Variants in MTARC1 observed in about 807,000 individuals in gnomAD.
MTARC1 encodes the protein mitochondrial amidoxime-reducing component 1.
Under a neutral mutation model 33.6 loss-of-function variants are expected in MTARC1, and 24 were observed. The ratio of observed to expected loss-of-function variants is 0.72; its 90% confidence interval spans 0.52 to 1.01. The LOEUF (loss-of-function observed/expected upper bound fraction) is 1.01, where lower values mean the gene tolerates loss of function less well. Among genes scored for constraint, MTARC1 ranks in the 50% least tolerant of loss-of-function variants. The pLI is 0.00. For synonymous variants in MTARC1, 187 were observed against 189.5 expected (o/e 0.99, Z 0.11); for missense variants, 417 against 445.7 (o/e 0.94, Z 0.58).
intron 4 of MTARC1, chr1:220,799,096 G>A: frequency 1.0e-6 from 1 of 985,326 alleles, no homozygotes; most frequent in Non-Finnish European, 1.2e-6. Context: ...TTACCTTAAG[G>A]GTCTGTTGAA....
intron 6 of MTARC1, among the ~76,000 whole-genome samples, chr1:220,809,975 G>T (rs928343238): frequency 8.5e-5 from 13 of 152,148 alleles, no homozygotes; most frequent in African/African-American, 2.9e-4. Context: ...GGTAAACAAG[G>T]ATCAGCCCTC....
rs1001563301 is a variant in MTARC1 at position 220,815,062 on chromosome 1, T to C, written c.*1644T>C. 1 of 152,264 alleles carries C rather than the reference T, an allele frequency of 6.6e-6. No homozygotes were observed. The highest frequency in any genetic ancestry group is 1.5e-5 in the Non-Finnish European group (1 of 68,048). 9.4% of individuals were successfully genotyped at this position (152,264 alleles called of 1,614,324 possible). A position where few individuals can be genotyped will look rare whatever the true frequency, so the allele number is the denominator to read the frequency against. ...CAGTTTGTTTTCTGCATGCTTGGCA[T>C]GAGGTGAATAATTACATCAATTTTC... On this transcript the variant is annotated 3_prime_UTR_variant, in exon 7 of 7. Coordinates refer to ENST00000366910, the MANE Select transcript of MTARC1 (RefSeq NM_022746.4).
In MTARC1 at chr1:220,818,970, G is replaced by A. The variant is rs561088498; in HGVS notation, c.*5552G>A. On this transcript the variant is annotated 3_prime_UTR_variant, in exon 7 of 7. Coordinates refer to ENST00000366910, the MANE Select transcript of MTARC1 (RefSeq NM_022746.4). Reference sequence around the variant, plus strand: ...AAACACATGAATAATTGATCGTCCAGCGCTCACATAGCTACCGCGGATCTG... The same window carrying A: ...AAACACATGAATAATTGATCGTCCAACGCTCACATAGCTACCGCGGATCTG... 15 of 152,280 alleles carry A rather than the reference G, an allele frequency of 9.9e-5. No individual in the cohort carries two copies. Among genetic ancestry groups the A allele is most frequent in the African/African-American group, 3.4e-4 (14 of 41,544 alleles). The allele number at this position is 152,280 out of a possible 1,614,324, so 9.4% of individuals were successfully genotyped here. A position where few individuals can be genotyped will look rare whatever the true frequency, so the allele number is the denominator to read the frequency against.
intron 6 of MTARC1, among the ~76,000 whole-genome samples, chr1:220,812,361 T>A (rs1217572505): frequency 6.6e-6 from 1 of 152,224 alleles, no homozygotes; most frequent in Admixed American, 6.5e-5. Flanking sequence ...CTAGGAATGA[T>A]AAGACCAGAA....
rs1389076313 is a variant in MTARC1, at chr1:220,818,701, T to C, written c.*5283T>C. ...TAAGTCTAACTTTTGTCTCCCTCTT[T>C]AGAATTTACTGGGAGTACTGTAAAT... On this transcript the variant is annotated 3_prime_UTR_variant, in exon 7 of 7. Transcript: ENST00000366910. 1 of 152,360 alleles carries C rather than the reference T, an allele frequency of 6.6e-6. No individual in the cohort carries two copies. Among genetic ancestry groups the C allele is most frequent in the Middle Eastern group, 3.4e-3 (1 of 294 alleles). 9.4% of individuals were successfully genotyped at this position (152,360 alleles called of 1,614,324 possible). A position where few individuals can be genotyped will look rare whatever the true frequency, so the allele number is the denominator to read the frequency against.
chr1:220,806,950 A>G (rs1409630005), intron 6 of MTARC1, among the ~76,000 whole-genome samples: 2 of 152,202 alleles, frequency 1.3e-5, no homozygotes, highest in African/African-American at 4.8e-5. Context: ...GCTGGTCTCT[A>G]CCTGGCTCCA....
In MTARC1 at chr1:220,814,655, A is replaced by G. The variant is rs900868089; in HGVS notation, c.*1237A>G. ...GAGGATGAGGTAGAAGGATTGGTTG[A>G]GCCCAGGAGCGGGAGATTGAGGCTG... On this transcript the variant is annotated 3_prime_UTR_variant, in exon 7 of 7. Transcript: ENST00000366910. 2.0e-5 allele frequency: 3 copies of G among 152,358 alleles called. No individual in the cohort carries two copies. Among genetic ancestry groups the G allele is most frequent in the Admixed American group, 6.5e-5 (1 of 15,284 alleles). 9.4% of individuals were successfully genotyped at this position (152,358 alleles called of 1,614,324 possible). A position where few individuals can be genotyped will look rare whatever the true frequency, so the allele number is the denominator to read the frequency against.
intron 6 of MTARC1, among the ~76,000 whole-genome samples, chr1:220,807,910 G>A (rs530205719): frequency 6.6e-6 from 1 of 152,242 alleles, no homozygotes; most frequent in Non-Finnish European, 1.5e-5. Flanking sequence ...CTGGGAGTCA[G>A]GAGACCTGGA....
rs12023067 is a variant in MTARC1, at chr1:220,791,501, G to C, written c.286G>C (p.Val96Leu). 1.9e-3 allele frequency: 3,044 copies of C among 1,613,924 alleles called. 87 individuals carry two copies. The East Asian group carries it at 0.057, about 30-fold the overall frequency. ...TTTTGAAAACGGCAGGTTTTGGCTT[G>C]TGATCAACCAGGAGGGAAACATGGT... ...SGNLRDRFWL[V>L]INQEGNMVTA... The change falls in exon 2 of 7, where the codon GTG becomes CTG. Residue 96 changes from valine (V) to leucine (L), a missense_variant. Coordinates refer to ENST00000366910, the MANE Select transcript of MTARC1 (RefSeq NM_022746.4).
Position 220,813,996 on chromosome 1 carries a change from C to G in MTARC1, c.*578C>G, listed in dbSNP as rs1673220116. 1 of 155,032 alleles carries G rather than the reference C, an allele frequency of 6.5e-6. No individual in the cohort carries two copies. Among genetic ancestry groups the G allele is most frequent in the African/African-American group, 2.4e-5 (1 of 41,460 alleles). The allele number at this position is 155,032 out of a possible 1,614,324, so 9.6% of individuals were successfully genotyped here. ...ATATTAATTTTCCATAGATCTGGAT[C>G]TGGCCCTGCTGCTTCTCAGACAGCA... On this transcript the variant is annotated 3_prime_UTR_variant, in exon 7 of 7. Transcript: ENST00000366910.
At chr1:220,794,924 A>G (rs1672559119) in intron 2 of MTARC1, among the ~76,000 whole-genome samples, 2 of 152,218 alleles carry the variant, frequency 1.3e-5, no homozygotes, top group Admixed American at 6.5e-5. Flanking sequence ...TTAAAAATTT[A>G]TGAAAACTTT....
chr1:220,813,259 G>A (rs745545187), intron 6 of MTARC1, 33 bp from the exon 7 acceptor site: 5 of 1,613,546 alleles, frequency 3.1e-6, no homozygotes. Context: ...CATCCGCTTG[G>A]CTGTGACTCA....
chr1:220,813,625 T>C lies in MTARC1; in HGVS notation c.*207T>C, dbSNP rs568964112. The C allele has an allele frequency of 1.4e-5, 8 of 569,958 alleles. No homozygotes were observed. The South Asian group carries it at 1.6e-4, about 11-fold the overall frequency. 35.3% of individuals were successfully genotyped at this position (569,958 alleles called of 1,614,324 possible). ...AAGAAATATAGTCTCAATAACTTAG[T>C]AGGACTTCAGTAAGTCACTTAAATG... On this transcript the variant is annotated 3_prime_UTR_variant, in exon 7 of 7. Transcript: ENST00000366910.
intron 4 of MTARC1, among the ~76,000 whole-genome samples, chr1:220,800,031 CT>C (rs1236858305): frequency 6.6e-6 from 1 of 152,174 alleles, no homozygotes; most frequent in Non-Finnish European, 1.5e-5. Context: ...TTTAAGCTTT[CT>C]TTCTCCCCTG....
chr1:220,805,167 T>C (rs968606537), intron 5 of MTARC1, 36 bp from the exon 6 acceptor site: 2 of 1,614,048 alleles, frequency 1.2e-6, no homozygotes. Context: ...TTCGCTCTGC[T>C]CTGTCCCCCT....
intron 2 of MTARC1, among the ~76,000 whole-genome samples, chr1:220,792,411 AT>A (rs1424923693): frequency 6.6e-6 from 1 of 152,258 alleles, no homozygotes; most frequent in East Asian, 1.9e-4. Context: ...TAGTTTCTGC[AT>A]TTGGAATAAA....
At chr1:220,799,584 G>A (rs1672722631) in intron 4 of MTARC1, among the ~76,000 whole-genome samples, 1 of 152,120 alleles carries the variant, frequency 6.6e-6, no homozygotes, top group African/African-American at 2.4e-5. Context: ...TATGCCTCAC[G>A]GCAGCCCAGC....
intron 4 of MTARC1, among the ~76,000 whole-genome samples, chr1:220,803,905 G>A (rs1672890307): frequency 6.6e-6 from 1 of 152,060 alleles, no homozygotes; most frequent in African/African-American, 2.4e-5. Context: ...GAAAATATGT[G>A]CTTGAGATCC....
At position 220,817,004 on chromosome 1, in the gene MTARC1, G is replaced by A. The variant is rs1372190428; in HGVS notation, c.*3586G>A. 2.0e-5 allele frequency: 3 copies of A among 152,056 alleles called. No homozygotes were observed. Among genetic ancestry groups the A allele is most frequent in the Non-Finnish European group, 4.4e-5 (3 of 68,070 alleles). The allele number at this position is 152,056 out of a possible 1,614,324, so 9.4% of individuals were successfully genotyped here. On this transcript the variant is annotated 3_prime_UTR_variant, in exon 7 of 7. Coordinates refer to ENST00000366910, the MANE Select transcript of MTARC1 (RefSeq NM_022746.4). Reference sequence around the variant, plus strand: ...CCTTACAGCAATACCTGTGATGTAAGTTACAAAACCACCTGTGATGAAAGT... The same window carrying A: ...CCTTACAGCAATACCTGTGATGTAAATTACAAAACCACCTGTGATGAAAGT...
Sources: allele counts gnomAD v4.1 joint callset (sites outside exome capture counted in the v4.1 genomes callset), GRCh38; gene constraint gnomAD v4.1.1; transcripts MANE v1.5; gene names NCBI Gene and HGNC (gene_info 2026-07-23, HGNC 2026-07-21).